ADGRE2: variants seen among roughly 807,000 people sequenced by gnomAD.
The protein encoded by ADGRE2 is adhesion G protein-coupled receptor E2.
A neutral mutation model predicts 100.8 loss-of-function variants in ADGRE2; 83 were observed. The ratio of observed to expected loss-of-function variants is 0.82; its 90% CI spans 0.69 to 0.99. ADGRE2 has a LOEUF of 0.99. ADGRE2 is among the 50% of genes least tolerant of loss of function. ADGRE2 has a pLI of 0.00. For missense variants in ADGRE2, 814 were observed against 1,035.7 expected (o/e 0.79, Z 2.94); for synonymous variants, 355 against 413.0 (o/e 0.86, Z 1.70).
rs531140876 is a variant in ADGRE2, at chr19:14,743,724, G to A, written c.2244C>T (p.Gly748=). The A allele has an allele frequency of 1.4e-5, 23 of 1,614,170 alleles. No homozygotes were observed. In the East Asian group the frequency reaches 4.7e-4, roughly 33 times the overall value. Reference sequence around the variant, plus strand: ...GGGCAGCCGGACCCACCTGCAAGATGCCCAGACACCACGTGCAGCCCAGGA... The same window carrying A: ...GGGCAGCCGGACCCACCTGCAAGATACCCAGACACCACGTGCAGCCCAGGA... The part of the protein sequence containing the change: ...LFILGCTWCL[G]ILQVGPAARV... Residue 748 remains glycine (G), a synonymous_variant, in exon 19 of 21, where the codon GGC becomes GGT. Transcript: ENST00000315576.
intron 4 of ADGRE2, among the ~76,000 whole-genome samples, chr19:14,773,383 C>T: frequency 8.9e-6 from 1 of 111,882 alleles, no homozygotes. Context: ...CTTCTCTTTT[C>T]TTTCTCTCCT....
chr19:14,762,857 T>TG (rs2147366163), intron 11 of ADGRE2, among the ~76,000 whole-genome samples: 1 of 152,192 alleles, frequency 6.6e-6, no homozygotes, highest in East Asian at 1.9e-4. Context: ...TTGGCCAGGC[T>TG]GGATTTGAAC....
intron 1 of ADGRE2, 49 bp from the exon 2 acceptor site, chr19:14,776,976 G>GCATACACACACACACACACACACACA (rs778098242): frequency 2.1e-6 from 2 of 938,850 alleles, no homozygotes; most frequent in African/African-American, 3.8e-5. Context: ...CAGGGGCGCT[G>GCATACACACACACACACACACACACA]CACACACACA....
downstream of ADGRE2, among the ~76,000 whole-genome samples, chr19:14,729,018 G>A (rs769986670): frequency 6.6e-6 from 1 of 152,178 alleles, no homozygotes; most frequent in African/African-American, 2.4e-5. Flanking sequence ...GGGACGTGCA[G>A]TTTTGAAGGG....
chr19:14,734,374 C>A lies in ADGRE2; in HGVS notation c.*1862G>T, dbSNP rs1079542. 0.76 allele frequency: 115,526 copies of A among 152,058 alleles called. 44,522 individuals are homozygous for A. Among genetic ancestry groups the A allele is most frequent in the African/African-American group, 0.87 (36,192 of 41,430 alleles). 9.4% of individuals were successfully genotyped at this position (152,058 alleles called of 1,614,324 possible). A position where few individuals can be genotyped will look rare whatever the true frequency, so the allele number is the denominator to read the frequency against. ...TCTACAAAAAATACAAAAATTAGCC[C>A]GGTGTGGTGGTACACACCTGTAGTT... On this transcript the variant is annotated 3_prime_UTR_variant, in exon 21 of 21. Transcript: ENST00000315576.
At chr19:14,746,605 T>C (rs1963783) in intron 17 of ADGRE2, among the ~76,000 whole-genome samples, 58,140 of 151,848 alleles carry the variant, frequency 0.38, 12,695 homozygotes, top group African/African-American at 0.59. Flanking sequence ...TCAAGTGATC[T>C]GCCTGCCTCG....
At chr19:14,776,579 G>C (rs1360728073) in intron 2 of ADGRE2, 147 bp downstream of exon 2, 2 of 916,482 alleles carry the variant, frequency 2.2e-6, no homozygotes, top group Non-Finnish European at 3.4e-6. Context: ...CTCTCGCCGT[G>C]TGCCCGTGAG....
downstream of ADGRE2, among the ~76,000 whole-genome samples, chr19:14,727,887 T>C (rs2147045168): frequency 6.6e-6 from 1 of 152,320 alleles, no homozygotes; most frequent in Non-Finnish European, 1.5e-5. Flanking sequence ...AACTGAGCTA[T>C]CTTACCTTGG....
chr19:14,754,444 T>TATCC (rs1466413901), intron 14 of ADGRE2, among the ~76,000 whole-genome samples: 3 of 53,372 alleles, frequency 5.6e-5, no homozygotes, highest in South Asian at 5.3e-4. Context: ...AGAAATTATC[T>TATCC]ATCTATCTAT....
chr19:14,754,892 C>T (rs2058107), intron 14 of ADGRE2, 62 bp downstream of exon 14: 1,129,855 of 1,563,826 alleles, frequency 0.72, 410,587 homozygotes, highest in South Asian at 0.82. Flanking sequence ...AAGGCTGCTA[C>T]GTCTCTGGGG....
At chr19:14,729,646 C>T (rs1410519241), downstream of ADGRE2, among the ~76,000 whole-genome samples, 4 of 152,076 alleles carry the variant, frequency 2.6e-5, no homozygotes, top group Non-Finnish European at 5.9e-5. Context: ...ACCACTGCGC[C>T]CGGTGGGATA....
rs184080729 is a variant in ADGRE2, at chr19:14,742,962, C to A, written c.2463+458G>T. ...TTTTTTAATTTTTGGGATAGGGTCT[C>A]ACTCTGTTGCCTGGGCTGGAGTGCA... On this transcript the variant is annotated intron_variant, in intron 20 of 20. Coordinates refer to ENST00000315576, the MANE Select transcript of ADGRE2 (RefSeq NM_013447.4). 1.9e-3 allele frequency among the ~76,000 whole-genome samples: 287 copies of A among 151,262 alleles called. 4 individuals are homozygous for A. The Middle Eastern group carries it at 0.027, about 14-fold the overall frequency.
At chr19:14,746,188 A>C in intron 18 of ADGRE2, 44 bp downstream of exon 18, 1 of 1,214,468 alleles carries the variant, frequency 8.2e-7, no homozygotes, top group Non-Finnish European at 1.2e-6. Flanking sequence ...GGCTCTTGGG[A>C]ACCATACATG....
downstream of ADGRE2, chr19:14,731,267 A>G (rs2147052088): frequency 7.2e-7 from 1 of 1,381,206 alleles, no homozygotes; most frequent in South Asian, 1.2e-5. Flanking sequence ...AAGGATCACT[A>G]CTGGGGCTTG....
At chr19:14,731,079 GCCCCTCCTGC>G, downstream of ADGRE2, 1 of 1,059,946 alleles carries the variant, frequency 9.4e-7, no homozygotes, top group Non-Finnish European at 1.4e-6. Flanking sequence ...CTCAAGCACC[GCCCCTCCTGC>G]CCCCTCCCCC....
chr19:14,736,805 TATAG>T (rs2042761978), intron 20 of ADGRE2, among the ~76,000 whole-genome samples: 1 of 145,412 alleles, frequency 6.9e-6, no homozygotes, highest in Non-Finnish European at 1.5e-5. Context: ...TTTAGAAATA[TATAG>T]ATATTTAGAA....
the ADGRE2 span, among the ~76,000 whole-genome samples, chr19:14,727,045 T>C: frequency 2.0e-5 from 3 of 147,344 alleles, no homozygotes; most frequent in African/African-American, 7.7e-5. Flanking sequence ...TTTTTTTTTT[T>C]TTTGAGGTGG....
intron 5 of ADGRE2, chr19:14,772,135 A>G: frequency 1.6e-6 from 1 of 637,142 alleles, no homozygotes; most frequent in East Asian, 2.8e-5. Flanking sequence ...ATTTGGGCCC[A>G]GGTAGCTGGT....
intron 11 of ADGRE2, 145 bp downstream of exon 11, chr19:14,764,288 G>T (rs973618179): frequency 4.2e-6 from 3 of 712,376 alleles, no homozygotes; most frequent in Non-Finnish European, 7.2e-6. Flanking sequence ...AGACTGGTAT[G>T]TATTTCTTTT....
Sources: allele counts gnomAD v4.1 joint callset (sites outside exome capture counted in the v4.1 genomes callset), GRCh38; gene constraint gnomAD v4.1.1; transcripts MANE v1.5; gene names NCBI Gene and HGNC (gene_info 2026-07-23, HGNC 2026-07-21).